Variants in TOX2 observed in about 807,000 individuals in gnomAD.
TOX2 encodes the protein TOX high mobility group box family member 2.
In TOX2, 15 loss-of-function variants were observed where a neutral mutation model predicts 47.4. The ratio of observed to expected loss-of-function variants is 0.32; its 90% CI spans 0.21 to 0.49. The LOEUF (loss-of-function observed/expected upper bound fraction) is 0.49, where lower values mean the gene tolerates loss of function less well. TOX2 is among the 20% of genes least tolerant of loss of function. TOX2 has a pLI of 0.99. For missense variants in TOX2, 622 were observed against 673.1 expected (o/e 0.92, Z 0.84); for synonymous variants, 290 against 296.6 (o/e 0.98, Z 0.23).
intron 1 of TOX2, among the ~76,000 whole-genome samples, chr20:43,952,262 C>T (rs2069592074): frequency 6.6e-6 from 1 of 152,064 alleles, no homozygotes; most frequent in African/African-American, 2.4e-5. Context: ...TGGTGTCAAA[C>T]TCCTAGTCTC....
At chr20:44,048,812 AC>A (rs1379529000) in intron 3 of TOX2, among the ~76,000 whole-genome samples, 5 of 152,174 alleles carry the variant, frequency 3.3e-5, no homozygotes, top group African/African-American at 1.2e-4. Context: ...TAATGAAGAT[AC>A]AATTGTCTGT....
Position 44,068,728 on chromosome 20 carries a change from G to A in TOX2, c.*42G>A. The A allele has an allele frequency of 6.2e-7, 1 of 1,613,398 alleles. No homozygotes were observed. The highest frequency in any genetic ancestry group is 2.2e-5 in the East Asian group (1 of 44,828). ...TCCCTGAGGCTCGCTGGAAGGCACT[G>A]CTCAGAGCCTGAAGGGCTGACAGCA... On this transcript the variant is annotated 3_prime_UTR_variant, in exon 9 of 9. Coordinates refer to ENST00000341197, the MANE Select transcript of TOX2 (RefSeq NM_001098797.2).
At chr20:44,042,556 G>T (rs1043432237) in intron 3 of TOX2, among the ~76,000 whole-genome samples, 13 of 152,186 alleles carry the variant, frequency 8.5e-5, no homozygotes, top group African/African-American at 2.4e-4. Flanking sequence ...TAGCAAAAAG[G>T]CAATAATCAA....
At chr20:43,952,014 G>A (rs962167698) in intron 1 of TOX2, among the ~76,000 whole-genome samples, 4 of 151,102 alleles carry the variant, frequency 2.6e-5, no homozygotes, top group East Asian at 3.9e-4. Flanking sequence ...CTCCTGTCTC[G>A]CCCTCCCGAG....
chr20:43,990,123 G>T (rs2070342885), intron 2 of TOX2, among the ~76,000 whole-genome samples: 1 of 152,186 alleles, frequency 6.6e-6, no homozygotes, highest in African/African-American at 2.4e-5. Context: ...CTGCCTCATA[G>T]AGTTGTTGTG....
intron 1 of TOX2, among the ~76,000 whole-genome samples, chr20:43,920,010 C>T (rs1568996765): frequency 1.3e-5 from 2 of 152,306 alleles, no homozygotes; most frequent in East Asian, 1.9e-4. Context: ...AGATTGGATT[C>T]AGTTGGTCTG....
intron 3 of TOX2, among the ~76,000 whole-genome samples, chr20:44,048,008 C>T (rs2071438673): frequency 6.6e-6 from 1 of 152,036 alleles, no homozygotes; most frequent in Admixed American, 6.6e-5. Context: ...CACTTGAGGT[C>T]AGGAGTTTGA....
intron 1 of TOX2, among the ~76,000 whole-genome samples, chr20:43,924,011 G>A (rs775860204): frequency 2.6e-5 from 4 of 152,214 alleles, no homozygotes; most frequent in Non-Finnish European, 5.9e-5. Flanking sequence ...TTCAGCATAA[G>A]TGAGAGGCCT....
chr20:43,923,307 A>G (rs1024666744), intron 1 of TOX2, among the ~76,000 whole-genome samples: 1 of 151,510 alleles, frequency 6.6e-6, no homozygotes, highest in African/African-American at 2.4e-5. Context: ...ATCCTCAACG[A>G]CTGTCTCTTG....
At chr20:43,970,502 G>A (rs377181652) in intron 1 of TOX2, among the ~76,000 whole-genome samples, 1 of 151,644 alleles carries the variant, frequency 6.6e-6, no homozygotes, top group Non-Finnish European at 1.5e-5. Context: ...TGTTTCTCAT[G>A]CATATTCCTA....
At chr20:43,945,990 C>A (rs2069464495) in intron 1 of TOX2, 1 of 1,614,140 alleles carries the variant, frequency 6.2e-7, no homozygotes, top group African/African-American at 1.3e-5. Context: ...GACTCGGGCT[C>A]CTTCTACTTG....
At chr20:43,960,381 C>A (rs2069737391) in intron 1 of TOX2, among the ~76,000 whole-genome samples, 1 of 152,282 alleles carries the variant, frequency 6.6e-6, no homozygotes, top group South Asian at 2.1e-4. Context: ...TCAACACTCA[C>A]CCCCTGGGCA....
intron 3 of TOX2, among the ~76,000 whole-genome samples, chr20:44,010,641 T>C (rs904413473): frequency 1.3e-5 from 2 of 152,210 alleles, no homozygotes; most frequent in Non-Finnish European, 2.9e-5. Context: ...GCATACACGC[T>C]ACGTGGGTGA....
At chr20:43,951,707 G>GTTTGTTTTTTTTTTTTTTTTTTTTTTT (rs2069571364) in intron 1 of TOX2, among the ~76,000 whole-genome samples, 4 of 55,098 alleles carry the variant, frequency 7.3e-5, no homozygotes, top group Non-Finnish European at 1.6e-4. Flanking sequence ...AACTTATTAT[G>GTTTGTTTTTTTTTTTTTTTTTTTTTTT]TTTTTTTTTT....
chr20:43,988,160 T>C (rs1344187951), intron 2 of TOX2, among the ~76,000 whole-genome samples: 1 of 152,086 alleles, frequency 6.6e-6, no homozygotes, highest in Non-Finnish European at 1.5e-5. Flanking sequence ...CCTCGTGATC[T>C]GCCCGCCTCG....
At chr20:44,006,140 C>G (rs1310044971) in intron 2 of TOX2, among the ~76,000 whole-genome samples, 4 of 152,246 alleles carry the variant, frequency 2.6e-5, no homozygotes, top group Non-Finnish European at 5.9e-5. Flanking sequence ...GATACTTCAG[C>G]TCCATTCCCA....
intron 1 of TOX2, among the ~76,000 whole-genome samples, chr20:43,952,115 A>T (rs1041509683): frequency 2.0e-5 from 3 of 151,410 alleles, no homozygotes; most frequent in African/African-American, 7.3e-5. Context: ...GTTAGCCAGG[A>T]TGGTCTCGAT....
chr20:44,038,461 T>C lies in TOX2; in HGVS notation c.412-12845T>C, dbSNP rs151282979. Among the ~76,000 whole-genome samples the C allele has an allele frequency of 1.9e-3, 282 of 152,242 alleles. 1 individual carries two copies. Among genetic ancestry groups the C allele is most frequent in the African/African-American group, 6.6e-3 (273 of 41,538 alleles). On this transcript the variant is annotated intron_variant, in intron 3 of 8. Coordinates refer to ENST00000341197, the MANE Select transcript of TOX2 (RefSeq NM_001098797.2). ...ATAAGAGCACAATTGAACATAGCCG[T>C]TGTTGCCATCAGAAGATTGATTCTA...
chr20:43,973,610 T>G (rs558961148), intron 2 of TOX2, among the ~76,000 whole-genome samples, 178 bp downstream of exon 2: 41 of 152,328 alleles, frequency 2.7e-4, no homozygotes, highest in African/African-American at 9.6e-4. Flanking sequence ...AGTGGGACTA[T>G]AGTGTTCGTA....
Sources: allele counts gnomAD v4.1 joint callset (sites outside exome capture counted in the v4.1 genomes callset), GRCh38; gene constraint gnomAD v4.1.1; transcripts MANE v1.5; gene names NCBI Gene and HGNC (gene_info 2026-07-23, HGNC 2026-07-21).